The following CHD6 variants were observed in gnomAD, a reference collection of about 807,000 sequenced individuals.
CHD6 encodes the protein chromodomain helicase DNA binding protein 6.
A neutral mutation model predicts 276.9 loss-of-function variants in CHD6; 50 were observed. The ratio of observed to expected loss-of-function variants is 0.18; its 90% CI spans 0.14 to 0.23. CHD6 has a LOEUF of 0.23. Among genes scored for constraint, CHD6 ranks in the 10% least tolerant of loss-of-function variants. The pLI is 1.00. For missense variants in CHD6, 2,564 were observed against 3,365.8 expected, an observed-to-expected ratio of 0.76 and a Z score of 5.89; for synonymous variants, 1,173 against 1,229.3, an observed-to-expected ratio of 0.95 and a Z score of 0.96.
chr20:41,493,361 G>A (rs373698170), intron 10 of CHD6, among the ~76,000 whole-genome samples, 177 bp downstream of exon 10: 1 of 152,064 alleles, frequency 6.6e-6, no homozygotes, highest in Non-Finnish European at 1.5e-5. Flanking sequence ...AGGTGACAAG[G>A]GCGCTGGGAA....
chr20:41,443,783 G>C (rs2047973798), intron 25 of CHD6, among the ~76,000 whole-genome samples: 2 of 152,212 alleles, frequency 1.3e-5, no homozygotes, highest in Non-Finnish European at 2.9e-5. Context: ...CCATTTCTGT[G>C]GGTATTAAAA....
rs369431708 is a variant in CHD6, at chr20:41,425,163, G to T, written c.4346+15C>A. On this transcript the variant is annotated intron_variant, in intron 29 of 36. Transcript: ENST00000373233. ...GTGGGTGGCTGAGCATGCCCCTTTG[G>T]CCACTGGCTTTTACCTCTTTTGGGC... 6.2e-7 allele frequency: 1 copy of T among 1,610,028 alleles called. No homozygotes were observed. The highest frequency in any genetic ancestry group is 1.3e-5 in the African/African-American group (1 of 74,836).
chr20:41,478,956 C>T (rs1037308839), intron 16 of CHD6, among the ~76,000 whole-genome samples: 8 of 151,990 alleles, frequency 5.3e-5, no homozygotes, highest in Non-Finnish European at 8.8e-5. Context: ...ATTATGCTGA[C>T]GCTTAATGAA....
At chr20:41,501,349 T>TAAC (rs947655769) in intron 5 of CHD6, among the ~76,000 whole-genome samples, 9 of 152,206 alleles carry the variant, frequency 5.9e-5, no homozygotes, top group African/African-American at 2.2e-4. Context: ...TGCACCTATA[T>TAAC]AACTACCACT....
In CHD6 at chr20:41,473,248, G is replaced by T; in HGVS notation, c.2664+74C>A. On this transcript the variant is annotated intron_variant, in intron 17 of 36. Coordinates refer to ENST00000373233, the MANE Select transcript of CHD6 (RefSeq NM_032221.5). The surrounding 1 kb of genome is among the most constrained non-coding windows in gnomAD (Gnocchi z 4.1). Reference sequence around the variant, plus strand: ...CATAGAGCATCACGGATGCTCTGTAGCCAAGCCAGGCCCTATCATGATGTT... The same window carrying T: ...CATAGAGCATCACGGATGCTCTGTATCCAAGCCAGGCCCTATCATGATGTT... The T allele has an allele frequency of 6.9e-7, 1 of 1,449,364 alleles. No individual in the cohort carries two copies. The highest frequency in any genetic ancestry group is 9.5e-7 in the Non-Finnish European group (1 of 1,051,748). 89.8% of individuals were successfully genotyped at this position (1,449,364 alleles called of 1,614,324 possible).
At position 41,473,568 on chromosome 20, in the gene CHD6, G is replaced by T. The variant is rs1462573766; in HGVS notation, c.2469-51C>A. ...CCCAGGCGTTAATCATGACTTCAAT[G>T]GAGAACAGCACAAAATGCAGGAAGC... On this transcript the variant is annotated intron_variant, in intron 16 of 36. Transcript: ENST00000373233. This position sits in a 1 kb window ranked among gnomAD's most constrained non-coding sequence, Gnocchi z 4.1. 3 of 1,469,220 alleles carry T rather than the reference G, an allele frequency of 2.0e-6. No homozygotes were observed. In the South Asian group the frequency reaches 3.5e-5, roughly 17 times the overall value. 91.0% of individuals were successfully genotyped at this position (1,469,220 alleles called of 1,614,324 possible). A position where few individuals can be genotyped will look rare whatever the true frequency, so the allele number is the denominator to read the frequency against.
intron 2 of CHD6, chr20:41,547,932 C>T: frequency 3.8e-6 from 1 of 266,596 alleles, no homozygotes; most frequent in Non-Finnish European, 7.4e-6. Context: ...TTAAGAAGCA[C>T]AAAGGAAAAA....
At chr20:41,616,856 G>A (rs1293119197) in intron 1 of CHD6, among the ~76,000 whole-genome samples, 1 of 152,034 alleles carries the variant, frequency 6.6e-6, no homozygotes, top group African/African-American at 2.4e-5. Flanking sequence ...TTTCCAATTT[G>A]GCTGACAGTC....
intron 1 of CHD6, among the ~76,000 whole-genome samples, chr20:41,598,917 A>C (rs2045746370): frequency 6.6e-6 from 1 of 152,198 alleles, no homozygotes; most frequent in African/African-American, 2.4e-5. Flanking sequence ...TCGTCGACTA[A>C]GCAAAAAGGA....
At chr20:41,571,573 T>G (rs2146208697) in intron 1 of CHD6, among the ~76,000 whole-genome samples, 1 of 152,000 alleles carries the variant, frequency 6.6e-6, no homozygotes. Flanking sequence ...ATATTTTTAG[T>G]AGAAACGGGT....
At chr20:41,505,983 C>G (rs2145930569) in intron 5 of CHD6, among the ~76,000 whole-genome samples, 1 of 152,304 alleles carries the variant, frequency 6.6e-6, no homozygotes, top group South Asian at 2.1e-4. Flanking sequence ...AACCAAAAAT[C>G]TTGGTGTAAT....
In CHD6 at chr20:41,534,585, CG is replaced by C. The variant is rs544322734; in HGVS notation, c.34-1016del. ...AAGAAAGGAAAGATTTTTGGGGGGG[CG>C]GGGGGCAGATCTTTATCATATCAAT... On this transcript the variant is annotated intron_variant, in intron 2 of 36. Transcript: ENST00000373233. 1.9e-4 allele frequency among the ~76,000 whole-genome samples: 26 copies of C among 135,308 alleles called. No individual in the cohort carries two copies. The East Asian group carries it at 4.9e-3, about 25-fold the overall frequency. The allele number at this position is 135,308 out of a possible 152,430, so 88.8% of individuals were successfully genotyped here. A position where few individuals can be genotyped will look rare whatever the true frequency, so the allele number is the denominator to read the frequency against.
At chr20:41,604,582 A>C (rs775798276) in intron 1 of CHD6, among the ~76,000 whole-genome samples, 14 of 152,172 alleles carry the variant, frequency 9.2e-5, no homozygotes, top group Non-Finnish European at 1.8e-4. Flanking sequence ...GGGTGACTCA[A>C]ATGGCCTTAA....
chr20:41,567,556 A>G (rs2045369707), intron 1 of CHD6, among the ~76,000 whole-genome samples: 1 of 151,916 alleles, frequency 6.6e-6, no homozygotes, highest in East Asian at 1.9e-4. Context: ...CCTGATCCCC[A>G]AGTAGGTATC....
At chr20:41,477,058 G>T (rs533539834) in intron 16 of CHD6, among the ~76,000 whole-genome samples, 14 of 151,964 alleles carry the variant, frequency 9.2e-5, no homozygotes, top group African/African-American at 3.4e-4. Flanking sequence ...GCAACATAGT[G>T]GGACCTCACC....
chr20:41,566,552 C>T lies in CHD6; in HGVS notation c.-23-15192G>A, dbSNP rs139321387. Among the ~76,000 whole-genome samples, 125 of 152,306 alleles carry T rather than the reference C, an allele frequency of 8.2e-4. 1 individual carries two copies. The highest frequency in any genetic ancestry group is 2.9e-3 in the African/African-American group (120 of 41,542). On this transcript the variant is annotated intron_variant, in intron 1 of 36. Transcript: ENST00000373233. The stretch of plus-strand genomic sequence containing the variant: ...AAGGTCCCCTAACCAAACCTCCATC[C>T]TTACTGAGGGGACCATGTGCAGTTC...
chr20:41,558,364 G>A (rs1007773618), intron 1 of CHD6, among the ~76,000 whole-genome samples: 1 of 152,204 alleles, frequency 6.6e-6, no homozygotes, highest in Non-Finnish European at 1.5e-5. Context: ...AGAATTAAAA[G>A]GGATGGCAAT....
chr20:41,615,463 C>T (rs978864534), intron 1 of CHD6, among the ~76,000 whole-genome samples: 1 of 152,128 alleles, frequency 6.6e-6, no homozygotes, highest in African/African-American at 2.4e-5. Context: ...GCAGGCAATC[C>T]TATGGAATTC....
chr20:41,434,699 CA>C (rs1193785052), intron 27 of CHD6, among the ~76,000 whole-genome samples: 1 of 152,088 alleles, frequency 6.6e-6, no homozygotes, highest in Non-Finnish European at 1.5e-5. Context: ...GTGTATGCAC[CA>C]ACCAGAGCTG....
Sources: gnomAD v4.1 joint callset for allele counts (sites outside exome capture counted in the v4.1 genomes callset) on GRCh38, gnomAD v4.1.1 for gene constraint, Gnocchi (gnomAD v3.1) non-coding constraint, MANE v1.5 for transcripts, NCBI Gene and HGNC (gene_info 2026-07-23, HGNC 2026-07-21) for gene names.